SHANK2: variants seen among roughly 807,000 people sequenced by gnomAD.
SHANK2 encodes SH3 and multiple ankyrin repeat domains 2, also known as SH3 and multiple ankyrin repeat domains protein 2.
In SHANK2, 43 loss-of-function variants were observed where a neutral mutation model predicts 133.7. The ratio of observed to expected loss-of-function variants is 0.32; its 90% CI spans 0.25 to 0.41. SHANK2 has a LOEUF of 0.41. Ranked by LOEUF, SHANK2 falls within the 10% of genes least tolerant of loss-of-function variation. The probability of loss-of-function intolerance (pLI) is 1.00; values close to 1 mark genes in which losing one functional copy is unlikely to be tolerated. For missense variants in SHANK2, 1,994 were observed against 2,235.8 expected (o/e 0.89, Z 2.18); for synonymous variants, 1,017 against 952.8 (o/e 1.07, Z -1.24).
chr11:71,134,142 C>T (rs1433383526), intron 3 of SHANK2, among the ~76,000 whole-genome samples: 1 of 151,750 alleles, frequency 6.6e-6, no homozygotes. Flanking sequence ...GGACACAGCA[C>T]AGGTGGGAGG....
At chr11:71,067,990 C>T (rs912934553) in intron 9 of SHANK2, among the ~76,000 whole-genome samples, 121 of 151,756 alleles carry the variant, frequency 8.0e-4, no homozygotes, top group Non-Finnish European at 1.5e-3. Flanking sequence ...TCACCACCAC[C>T]ATCACCATCA....
intron 4 of SHANK2, among the ~76,000 whole-genome samples, chr11:71,114,874 A>T (rs983320148): frequency 1.6e-4 from 25 of 152,170 alleles, no homozygotes; most frequent in African/African-American, 6.0e-4. Flanking sequence ...CTTTCCAGAC[A>T]TAAAACAATC....
intron 14 of SHANK2, among the ~76,000 whole-genome samples, chr11:70,707,332 A>G (rs1388784334): frequency 7.2e-6 from 1 of 138,870 alleles, no homozygotes; most frequent in Non-Finnish European, 1.5e-5. Context: ...AGATTGTGCC[A>G]TTGCAGTTCA....
In SHANK2 at chr11:70,548,722, C is replaced by T. The variant is rs146887942; in HGVS notation, c.2062-45791G>A. On this transcript the variant is annotated intron_variant, in intron 17 of 25. Transcript: ENST00000601538. ...AAACCTATGTCCATGTCCTAACCCC[C>T]GGAGCCTGTGAGCGTGACCTTATTT... Among the ~76,000 whole-genome samples the T allele has an allele frequency of 1.1e-4, 17 of 152,302 alleles. No homozygotes were observed. In the East Asian group the frequency reaches 2.7e-3, roughly 24 times the overall value.
intron 14 of SHANK2, among the ~76,000 whole-genome samples, chr11:70,795,407 CTTT>C (rs71049944): frequency 4.7e-5 from 6 of 128,440 alleles, no homozygotes; most frequent in Middle Eastern, 4.2e-3. Flanking sequence ...CTTTCTTTTT[CTTT>C]TTTTTTTTTT....
At chr11:70,602,984 C>T (rs1289955459) in intron 17 of SHANK2, among the ~76,000 whole-genome samples, 3 of 152,172 alleles carry the variant, frequency 2.0e-5, no homozygotes, top group East Asian at 1.9e-4. Flanking sequence ...ACTGCTGGCC[C>T]GTGGCAGAGG....
At chr11:70,502,752 C>A in intron 18 of SHANK2, 44 bp downstream of exon 18, 3 of 1,345,264 alleles carry the variant, frequency 2.2e-6, no homozygotes, top group Non-Finnish European at 3.0e-6. Context: ...CCCCCCCCCC[C>A]CAGTAGGGCC....
chr11:71,072,275 AGGACCAGCAGCCTCCTGCG>A (rs1312947418), intron 9 of SHANK2, among the ~76,000 whole-genome samples: 1 of 149,916 alleles, frequency 6.7e-6, no homozygotes, highest in Admixed American at 6.6e-5. Context: ...CCGCTCCTAC[AGGACCAGCAGCCTCCTGCG>A]GGACCAACAG....
intron 17 of SHANK2, among the ~76,000 whole-genome samples, chr11:70,596,227 C>T (rs2060398637): frequency 6.6e-6 from 1 of 152,302 alleles, no homozygotes; most frequent in Admixed American, 6.5e-5. Context: ...TGTGGGGCAC[C>T]TGGGCCAGGG....
intron 11 of SHANK2, among the ~76,000 whole-genome samples, chr11:70,831,357 G>C (rs1434043035): frequency 6.6e-6 from 1 of 152,184 alleles, no homozygotes; most frequent in Non-Finnish European, 1.5e-5. Context: ...TTTCCAGAAA[G>C]GAAAAGGGTC....
At chr11:70,732,681 CCAGCCCATGCCCACG>C (rs1298073710) in intron 14 of SHANK2, among the ~76,000 whole-genome samples, 1 of 152,230 alleles carries the variant, frequency 6.6e-6, no homozygotes, top group Admixed American at 6.5e-5. Context: ...CTGCAGTGCC[CCAGCCCATGCCCACG>C]CAGCCCATGC....
intron 11 of SHANK2, among the ~76,000 whole-genome samples, chr11:70,836,749 C>T (rs550373840): frequency 2.0e-5 from 3 of 152,346 alleles, no homozygotes; most frequent in African/African-American, 7.2e-5. Context: ...GACTGACTTT[C>T]GTAAAGCAGC....
intron 14 of SHANK2, among the ~76,000 whole-genome samples, chr11:70,724,379 T>C (rs2134681773): frequency 6.6e-6 from 1 of 152,280 alleles, no homozygotes; most frequent in South Asian, 2.1e-4. Flanking sequence ...AAGAACCATC[T>C]GTGCAGCAGG....
chr11:70,647,961 C>G (rs1201140803), intron 17 of SHANK2, among the ~76,000 whole-genome samples: 1 of 152,224 alleles, frequency 6.6e-6, no homozygotes, highest in Non-Finnish European at 1.5e-5. Context: ...GGTACAAAAA[C>G]GTTTATGTCG....
At chr11:71,248,214 C>T (rs1383115585) in intron 1 of SHANK2, among the ~76,000 whole-genome samples, 2 of 152,248 alleles carry the variant, frequency 1.3e-5, no homozygotes, top group East Asian at 3.9e-4. Context: ...TCAGTACTGG[C>T]GCCATGGCCA....
chr11:70,841,786 A>C (rs1333208673), intron 11 of SHANK2, among the ~76,000 whole-genome samples: 4 of 152,134 alleles, frequency 2.6e-5, no homozygotes, highest in African/African-American at 9.7e-5. Flanking sequence ...TCAGGACCCA[A>C]GCATGCAGTG....
intron 14 of SHANK2, among the ~76,000 whole-genome samples, chr11:70,754,155 A>T (rs1421791113): frequency 6.6e-6 from 1 of 152,246 alleles, no homozygotes; most frequent in Non-Finnish European, 1.5e-5. Flanking sequence ...TCTTGACTCC[A>T]GTGATTTCGC....
chr11:71,094,575 G>A lies in SHANK2; in HGVS notation c.706C>T (p.His236Tyr). 6.4e-7 allele frequency: 1 copy of A among 1,551,686 alleles called. No homozygotes were observed. The change falls in exon 7 of 26, where the codon CAC (histidine) becomes TAC (tyrosine). Residue 236 changes from histidine (H) to tyrosine (Y), a missense_variant. By Grantham distance (83) the His-to-Tyr change is moderately conservative. This residue lies in a region of SHANK2 where 653 missense variants were observed against 563.4 expected (regional missense o/e 1.16). Transcript: ENST00000601538. ...FRAKDGMTAL[H>Y]KAARARNQVA... is the part of the protein sequence containing the mutation. Reference sequence around the variant, plus strand: ...TGGTTCCTCGCTCGGGCAGCTTTGTGTAGGGCGGTCATCCCATCTTTGGCA... The same window carrying A: ...TGGTTCCTCGCTCGGGCAGCTTTGTATAGGGCGGTCATCCCATCTTTGGCA...
intron 2 of SHANK2, among the ~76,000 whole-genome samples, chr11:71,168,798 G>T (rs1312914824): frequency 7.1e-6 from 1 of 140,938 alleles, no homozygotes; most frequent in Non-Finnish European, 1.6e-5. Context: ...GAGAGAGGGA[G>T]AGGGAGACCA....
Sources: gnomAD v4.1 joint callset for allele counts (sites outside exome capture counted in the v4.1 genomes callset) on GRCh38, gnomAD v4.1.1 for gene constraint, gnomAD v4.1.1 regional missense constraint, MANE v1.5 for transcripts, NCBI Gene and HGNC (gene_info 2026-07-23, HGNC 2026-07-21) for gene names.